Variants in ZBTB7C observed in about 807,000 individuals in gnomAD.
The protein encoded by ZBTB7C is zinc finger and BTB domain-containing protein 7C.
In ZBTB7C, 8 loss-of-function variants were observed where a neutral mutation model predicts 25.7. The ratio of observed to expected loss-of-function variants is 0.31; its 90% CI spans 0.18 to 0.56. ZBTB7C has a LOEUF of 0.56. Among genes scored for constraint, ZBTB7C ranks in the 20% least tolerant of loss-of-function variants. ZBTB7C has a pLI of 0.91. For synonymous variants in ZBTB7C, 394 were observed against 369.0 expected, an observed-to-expected ratio of 1.07 and a Z score of -0.78; for missense variants, 824 against 855.2, an observed-to-expected ratio of 0.96 and a Z score of 0.46.
intron 3 of ZBTB7C, among the ~76,000 whole-genome samples, chr18:48,124,206 G>T (rs937048521): frequency 2.0e-5 from 3 of 152,220 alleles, no homozygotes; most frequent in African/African-American, 7.2e-5. Context: ...TGATGAAAAA[G>T]CCGAACAAAG....
At chr18:48,161,102 C>G (rs989818883) in intron 3 of ZBTB7C, among the ~76,000 whole-genome samples, 4 of 151,634 alleles carry the variant, frequency 2.6e-5, no homozygotes, top group Admixed American at 1.3e-4. Context: ...AGCTTGTGGG[C>G]CCTGGGTGCT....
intron 3 of ZBTB7C, among the ~76,000 whole-genome samples, chr18:48,069,104 C>T (rs946308927): frequency 1.3e-5 from 2 of 152,216 alleles, no homozygotes; most frequent in African/African-American, 4.8e-5. Flanking sequence ...ATCCCCGGCC[C>T]CAGCGCAGCC....
At chr18:48,168,493 A>G (rs1056139893) in intron 3 of ZBTB7C, among the ~76,000 whole-genome samples, 5 of 152,218 alleles carry the variant, frequency 3.3e-5, no homozygotes, top group Admixed American at 3.3e-4. Context: ...TAAATCTACG[A>G]TATACAAAGA....
Position 48,040,186 on chromosome 18 carries a change from C to A in ZBTB7C, c.922G>T (p.Asp308Tyr). Residue 308 changes from aspartate to tyrosine, a missense_variant, in exon 4 of 5, where the codon GAC (aspartate) becomes TAC (tyrosine). Physicochemically the swap from Asp to Tyr is radical, Grantham distance 160. This residue lies in a region of ZBTB7C where 316 missense variants were observed against 299.2 expected (regional missense o/e 1.06). Coordinates refer to ENST00000590800, the MANE Select transcript of ZBTB7C (RefSeq NM_001318841.2). Reference protein sequence around the residue: ...PPPPPPPFPNDFFKDMFPDLP... With the variant: ...PPPPPPPFPNYFFKDMFPDLP... ...TCAGGGAACATGTCCTTGAAGAAGT[C>A]ATTAGGGAAGGGTGGCGGTGGGGGT... 1 of 1,574,788 alleles carries A rather than the reference C, an allele frequency of 6.4e-7. No homozygotes were observed. The highest frequency in any genetic ancestry group is 8.6e-7 in the Non-Finnish European group (1 of 1,161,644).
At chr18:48,033,374 T>A (rs1376186248) in intron 4 of ZBTB7C, among the ~76,000 whole-genome samples, 1 of 152,176 alleles carries the variant, frequency 6.6e-6, no homozygotes, top group Non-Finnish European at 1.5e-5. Context: ...CAGCAGGGAT[T>A]CCCAACCTGA....
chr18:48,323,831 G>A (rs2046152920), intron 2 of ZBTB7C, among the ~76,000 whole-genome samples: 1 of 152,030 alleles, frequency 6.6e-6, no homozygotes, highest in South Asian at 2.1e-4. Flanking sequence ...AAATAAATGA[G>A]ACATTTATTT....
intron 3 of ZBTB7C, among the ~76,000 whole-genome samples, chr18:48,065,778 C>T (rs548734968): frequency 6.6e-6 from 1 of 152,290 alleles, no homozygotes; most frequent in South Asian, 2.1e-4. Flanking sequence ...ATCCCAGGGC[C>T]TCCTCTACTG....
intron 3 of ZBTB7C, among the ~76,000 whole-genome samples, chr18:48,119,568 T>G (rs2039558217): frequency 6.6e-6 from 1 of 152,248 alleles, no homozygotes; most frequent in Admixed American, 6.5e-5. Flanking sequence ...ACTTTTTGTC[T>G]TTTTTAAATG....
chr18:48,394,904 G>A (rs962462622), intron 1 of ZBTB7C, among the ~76,000 whole-genome samples: 4 of 152,186 alleles, frequency 2.6e-5, no homozygotes, highest in Admixed American at 6.5e-5. Context: ...ACGCGTATGT[G>A]TATAAAATCA....
chr18:48,173,489 C>T (rs1352472394), intron 3 of ZBTB7C, among the ~76,000 whole-genome samples: 1 of 152,222 alleles, frequency 6.6e-6, no homozygotes, highest in African/African-American at 2.4e-5. Context: ...GACTGCTTCT[C>T]CCACACACAG....
intron 3 of ZBTB7C, chr18:48,148,777 T>C (rs181118252): frequency 6.6e-6 from 1 of 152,308 alleles, no homozygotes; most frequent in African/African-American, 2.4e-5. Flanking sequence ...AAAAGGCCTA[T>C]GTGATCGATT....
chr18:48,126,085 CA>C lies in ZBTB7C; in HGVS notation c.-17+59848del, dbSNP rs769415815. Among the ~76,000 whole-genome samples, 7 of 152,288 alleles carry C rather than the reference CA, an allele frequency of 4.6e-5. No homozygotes were observed. The East Asian group carries it at 1.3e-3, about 29-fold the overall frequency. ...CATTTTTTATATCATTTGATTTCTT[CA>C]AAGGATATCATTTCAAAAATTTACA... On this transcript the variant is annotated intron_variant, in intron 3 of 4. Coordinates refer to ENST00000590800, the MANE Select transcript of ZBTB7C (RefSeq NM_001318841.2).
chr18:48,057,068 A>G (rs2036946262), intron 3 of ZBTB7C, among the ~76,000 whole-genome samples: 2 of 151,362 alleles, frequency 1.3e-5, no homozygotes, highest in Admixed American at 1.3e-4. Flanking sequence ...AAAAAAAAAA[A>G]AACCAACCCA....
intron 1 of ZBTB7C, among the ~76,000 whole-genome samples, chr18:48,397,745 T>C (rs140948011): frequency 3.0e-4 from 45 of 152,316 alleles, no homozygotes; most frequent in Non-Finnish European, 5.0e-4. Flanking sequence ...CAAGCTACAC[T>C]ATGTCATTTA....
At chr18:48,252,483 TAATA>T (rs2043891883) in intron 2 of ZBTB7C, 4 of 152,262 alleles carry the variant, frequency 2.6e-5, no homozygotes, top group Admixed American at 2.6e-4. Context: ...CGTTCTTAAA[TAATA>T]AAAAAATCCC....
intron 2 of ZBTB7C, among the ~76,000 whole-genome samples, chr18:48,196,451 T>G (rs376820153): frequency 6.6e-6 from 1 of 152,174 alleles, no homozygotes; most frequent in South Asian, 2.1e-4. Context: ...GTTTCTAATA[T>G]GTAATTTCAG....
At chr18:48,057,178 A>C (rs922795341) in intron 3 of ZBTB7C, among the ~76,000 whole-genome samples, 4 of 151,902 alleles carry the variant, frequency 2.6e-5, no homozygotes, top group African/African-American at 9.7e-5. Context: ...TTAGATTTCA[A>C]GTTTCATCTA....
At chr18:48,164,604 G>C (rs78443249) in intron 3 of ZBTB7C, among the ~76,000 whole-genome samples, 4,620 of 152,192 alleles carry the variant, frequency 0.03, 210 homozygotes, top group African/African-American at 0.1. Context: ...CTTGGATGAT[G>C]CATTTTCTTG....
chr18:48,357,740 G>A (rs1317367040), intron 1 of ZBTB7C, among the ~76,000 whole-genome samples: 1 of 152,180 alleles, frequency 6.6e-6, no homozygotes, highest in Admixed American at 6.5e-5. Flanking sequence ...CAAAATTTCA[G>A]TGGCCTGAGA....
Sources: allele counts gnomAD v4.1 joint callset (sites outside exome capture counted in the v4.1 genomes callset), GRCh38; gene constraint gnomAD v4.1.1; regional missense constraint gnomAD v4.1.1; transcripts MANE v1.5; gene names NCBI Gene and HGNC (gene_info 2026-07-23, HGNC 2026-07-21).